TOMM20: variants seen among roughly 807,000 people sequenced by gnomAD.
TOMM20 encodes translocase of outer mitochondrial membrane 20.
A neutral mutation model predicts 22.1 loss-of-function variants in TOMM20; 10 were observed. The ratio of observed to expected loss-of-function variants is 0.45; its 90% CI spans 0.28 to 0.77. TOMM20 has a LOEUF of 0.77. TOMM20 is among the 30% of genes least tolerant of loss of function. The probability of loss-of-function intolerance (pLI) is 0.13; values close to 1 mark genes in which losing one functional copy is unlikely to be tolerated. For synonymous variants in TOMM20, 55 were observed against 61.4 expected (o/e 0.90, Z 0.49); for missense variants, 121 against 172.2 (o/e 0.70, Z 1.66).
In TOMM20 at chr1:235,125,197, G is replaced by A. The variant is rs540762262; in HGVS notation, c.122-2825C>T. Among the ~76,000 whole-genome samples, 14 of 150,846 alleles carry A rather than the reference G, an allele frequency of 9.3e-5. No individual in the cohort carries two copies. In the South Asian group the frequency reaches 2.9e-3, roughly 31 times the overall value. On this transcript the variant is annotated intron_variant, in intron 1 of 4. Coordinates refer to ENST00000366607, the MANE Select transcript of TOMM20 (RefSeq NM_014765.3). ...TCAAGCCTCATTTTAAACAATATAA[G>A]GCTCTCTTCTTTTATTTTTTATTTT...
chr1:235,117,008 G>A (rs895816005), intron 3 of TOMM20, among the ~76,000 whole-genome samples: 21 of 151,422 alleles, frequency 1.4e-4, no homozygotes, highest in East Asian at 5.9e-4. Context: ...GGTGGTGGGC[G>A]CCTGTAGTCC....
At chr1:235,123,123 G>A (rs1442905171) in intron 1 of TOMM20, among the ~76,000 whole-genome samples, 1 of 152,160 alleles carries the variant, frequency 6.6e-6, no homozygotes, top group Non-Finnish European at 1.5e-5. Flanking sequence ...AGAAACAAAA[G>A]CCATGAAACA....
chr1:235,109,966 G>A lies in TOMM20; in HGVS notation c.*2098C>T, dbSNP rs1660712841. ...GTAAAACTTAAGATGGGGATGAATAGTGTTTGGCAATTACATTTCTGGGAG... is the reference window on the plus strand; with the variant it reads ...GTAAAACTTAAGATGGGGATGAATAATGTTTGGCAATTACATTTCTGGGAG... On this transcript the variant is annotated 3_prime_UTR_variant, in exon 5 of 5. Coordinates refer to ENST00000366607, the MANE Select transcript of TOMM20 (RefSeq NM_014765.3). 6.6e-6 allele frequency: 1 copy of A among 152,152 alleles called. No homozygotes were observed. The highest frequency in any genetic ancestry group is 1.5e-5 in the Non-Finnish European group (1 of 68,020). 9.4% of individuals were successfully genotyped at this position (152,152 alleles called of 1,614,324 possible).
At position 235,116,454 on chromosome 1, in the gene TOMM20, G is replaced by A. The variant is rs572311555; in HGVS notation, c.251-2544C>T. 5.9e-5 allele frequency among the ~76,000 whole-genome samples: 9 copies of A among 151,918 alleles called. No individual in the cohort carries two copies. In the South Asian group the frequency reaches 8.3e-4, roughly 14 times the overall value. On this transcript the variant is annotated intron_variant, in intron 3 of 4. Transcript: ENST00000366607. ...CTCAGGAGGCTGAGGCAAGAGAATC[G>A]CTTGAACCTGGAAGACGGAAGTTGC...
chr1:235,117,314 C>T (rs941839996), intron 3 of TOMM20, among the ~76,000 whole-genome samples: 3 of 151,010 alleles, frequency 2.0e-5, no homozygotes, highest in Non-Finnish European at 4.4e-5. Context: ...AAAAATTAGC[C>T]GGGCTTGGTG....
chr1:235,116,913 A>G (rs1327304621), intron 3 of TOMM20, among the ~76,000 whole-genome samples: 1 of 151,948 alleles, frequency 6.6e-6, no homozygotes, highest in Non-Finnish European at 1.5e-5. Context: ...AGGCGGGCGG[A>G]TCACAAGGTC....
In TOMM20 at chr1:235,109,847, G is replaced by A. The variant is rs1198514148; in HGVS notation, c.*2217C>T. 1.3e-5 allele frequency: 2 copies of A among 152,228 alleles called. No homozygotes were observed. The highest frequency in any genetic ancestry group is 2.9e-5 in the Non-Finnish European group (2 of 68,038). The allele number at this position is 152,228 out of a possible 1,614,324, so 9.4% of individuals were successfully genotyped here. A position where few individuals can be genotyped will look rare whatever the true frequency, so the allele number is the denominator to read the frequency against. ...ATTAGCACATGGAAACGCTCAAGCTGTGTATTAGTTCACTGAGATCTGGGG... is the reference window on the plus strand; with the variant it reads ...ATTAGCACATGGAAACGCTCAAGCTATGTATTAGTTCACTGAGATCTGGGG... On this transcript the variant is annotated 3_prime_UTR_variant, in exon 5 of 5. Transcript: ENST00000366607.
chr1:235,114,897 T>C (rs1001206409), intron 3 of TOMM20, among the ~76,000 whole-genome samples: 3 of 150,798 alleles, frequency 2.0e-5, no homozygotes, highest in Non-Finnish European at 4.4e-5. Context: ...TGAGACACAA[T>C]CTCCCTCTGC....
At chr1:235,123,681 G>T (rs147112841) in intron 1 of TOMM20, among the ~76,000 whole-genome samples, 2 of 152,276 alleles carry the variant, frequency 1.3e-5, no homozygotes, top group East Asian at 1.9e-4. Flanking sequence ...CATTAAAGTT[G>T]ATCTTATGTA....
chr1:235,122,065 C>T, intron 2 of TOMM20, among the ~76,000 whole-genome samples: 1 of 151,964 alleles, frequency 6.6e-6, no homozygotes, highest in East Asian at 1.9e-4. Flanking sequence ...TCTTGAGGCC[C>T]TCATCTTGCT....
At chr1:235,126,834 T>C (rs1372998635) in intron 1 of TOMM20, among the ~76,000 whole-genome samples, 1 of 152,136 alleles carries the variant, frequency 6.6e-6, no homozygotes, top group African/African-American at 2.4e-5. Context: ...CTAGCATTCA[T>C]CAATTACCAT....
At chr1:235,128,452 GCAGC>G (rs1553271633) in intron 1 of TOMM20, 139 bp downstream of exon 1, 4 of 1,327,960 alleles carry the variant, frequency 3.0e-6, no homozygotes, top group Non-Finnish European at 4.1e-6. Context: ...CCGGAGCGGC[GCAGC>G]CAGCGCCATC....
rs1660731838 is a variant in TOMM20, at chr1:235,111,072, A to T, written c.*992T>A. On this transcript the variant is annotated 3_prime_UTR_variant, in exon 5 of 5. Coordinates refer to ENST00000366607, the MANE Select transcript of TOMM20 (RefSeq NM_014765.3). ...ACAAGCAGATCATCCCAGTTACCTT[A>T]AAAGTTTCGGATTAATTTACAGAGT... 1 of 152,216 alleles carries T rather than the reference A, an allele frequency of 6.6e-6. No individual in the cohort carries two copies. Among genetic ancestry groups the T allele is most frequent in the Non-Finnish European group, 1.5e-5 (1 of 68,042 alleles). The allele number at this position is 152,216 out of a possible 1,614,324, so 9.4% of individuals were successfully genotyped here.
chr1:235,114,756 C>T (rs1167230012), intron 3 of TOMM20, among the ~76,000 whole-genome samples: 1 of 151,992 alleles, frequency 6.6e-6, no homozygotes, highest in East Asian at 1.9e-4. Flanking sequence ...TATAAATATC[C>T]TTCAATAGAC....
rs949810895 is a variant in TOMM20, at chr1:235,128,790, G to C, written c.-75C>G. ...GCGGTGGGCCACGAACCCTCAGAGCGGTCGGCGCAGCTCACACCCGACGGC... is the reference window on the plus strand; with the variant it reads ...GCGGTGGGCCACGAACCCTCAGAGCCGTCGGCGCAGCTCACACCCGACGGC... On this transcript the variant is annotated 5_prime_UTR_variant, in exon 1 of 5. Coordinates refer to ENST00000366607, the MANE Select transcript of TOMM20 (RefSeq NM_014765.3). 1 of 1,600,270 alleles carries C rather than the reference G, an allele frequency of 6.2e-7. No individual in the cohort carries two copies. The highest frequency in any genetic ancestry group is 8.5e-7 in the Non-Finnish European group (1 of 1,174,506).
intron 1 of TOMM20, among the ~76,000 whole-genome samples, chr1:235,127,015 T>C (rs1558131219): frequency 6.6e-6 from 1 of 152,246 alleles, no homozygotes. Context: ...ATGGAGAAGT[T>C]ATTTTGAAAT....
intron 2 of TOMM20, among the ~76,000 whole-genome samples, chr1:235,121,616 A>C (rs1354722726): frequency 1.3e-5 from 2 of 152,184 alleles, no homozygotes; most frequent in African/African-American, 2.4e-5. Flanking sequence ...CCTTGTCTCA[A>C]CTTGCTTTAA....
At chr1:235,120,046 T>C in intron 2 of TOMM20, 147 bp from the exon 3 acceptor site, 4 of 521,926 alleles carry the variant, frequency 7.7e-6, no homozygotes, top group East Asian at 3.0e-5. Flanking sequence ...TGAATACTTG[T>C]AGGAATTAAG....
chr1:235,113,913 G>GT lies in TOMM20; in HGVS notation c.251-4dup. The GT allele has an allele frequency of 6.4e-7, 1 of 1,563,174 alleles. No individual in the cohort carries two copies. The highest frequency in any genetic ancestry group is 8.7e-7 in the Non-Finnish European group (1 of 1,152,938). On this transcript the variant is annotated splice_region_variant and splice_polypyrimidine_tract_variant and intron_variant, in intron 3 of 4. Transcript: ENST00000366607. The stretch of plus-strand genomic sequence containing the variant: ...GTCTACGCCCTTCTCATATTCACCT[G>GT]TAAGATTTACATAAAATTACATGTA...
Sources: allele counts gnomAD v4.1 joint callset (sites outside exome capture counted in the v4.1 genomes callset), GRCh38; gene constraint gnomAD v4.1.1; transcripts MANE v1.5; gene names NCBI Gene and HGNC (gene_info 2026-07-23, HGNC 2026-07-21).